Variants in INSC observed in about 807,000 individuals in gnomAD.
INSC encodes the protein protein inscuteable homolog.
A neutral mutation model predicts 58.6 loss-of-function variants in INSC; 67 were observed. The ratio of observed to expected loss-of-function variants is 1.14; its 90% CI spans 0.94 to 1.40. The LOEUF is 1.40. Among genes scored for constraint, INSC ranks in the 40% most tolerant of loss-of-function variants. The pLI, the probability that INSC is intolerant of heterozygous loss-of-function variation, is 0.00. For missense variants in INSC, 714 were observed against 692.0 expected (o/e 1.03, Z -0.36); for synonymous variants, 262 against 276.1 (o/e 0.95, Z 0.51).
chr11:15,211,285 C>T (rs1851016792), intron 7 of INSC, among the ~76,000 whole-genome samples: 2 of 152,182 alleles, frequency 1.3e-5, no homozygotes, highest in African/African-American at 4.8e-5. Context: ...TTTTTATTTT[C>T]CTGATGAGTA....
upstream of INSC, among the ~76,000 whole-genome samples, chr11:15,113,377 A>T (rs1231385907): frequency 1.3e-5 from 2 of 152,018 alleles, no homozygotes; most frequent in African/African-American, 4.8e-5. Context: ...GCCAGGATGG[A>T]CTTAATCTCC....
intron 1 of INSC, among the ~76,000 whole-genome samples, chr11:15,143,019 T>G (rs1323482247): frequency 6.6e-6 from 1 of 152,066 alleles, no homozygotes; most frequent in Admixed American, 6.5e-5. Context: ...GTCTCCAGTT[T>G]ATCTGTGAGG....
intron 1 of INSC, among the ~76,000 whole-genome samples, chr11:15,144,949 G>T (rs544737673): frequency 6.6e-6 from 1 of 152,284 alleles, no homozygotes; most frequent in East Asian, 1.9e-4. Flanking sequence ...ATAGCCCAGA[G>T]CCCTGAAGAA....
At chr11:15,209,527 C>T (rs908148411) in intron 7 of INSC, among the ~76,000 whole-genome samples, 1 of 152,100 alleles carries the variant, frequency 6.6e-6, no homozygotes, top group Non-Finnish European at 1.5e-5. Flanking sequence ...CTCCTTGGTG[C>T]TCACACAGTA....
downstream of INSC, among the ~76,000 whole-genome samples, chr11:15,249,774 T>C (rs1205082727): frequency 6.6e-6 from 1 of 152,156 alleles, no homozygotes; most frequent in Admixed American, 6.5e-5. Flanking sequence ...GGTTTTTCCA[T>C]AGTAACTTTC....
intron 2 of INSC, among the ~76,000 whole-genome samples, chr11:15,170,994 CACTT>C (rs1849378124): frequency 6.6e-6 from 1 of 152,220 alleles, no homozygotes; most frequent in Admixed American, 6.5e-5. Flanking sequence ...TCTGAAATCT[CACTT>C]TCTTTTTAAT....
chr11:15,138,050 C>A (rs981500215), intron 1 of INSC, among the ~76,000 whole-genome samples: 16 of 152,102 alleles, frequency 1.1e-4, no homozygotes, highest in African/African-American at 3.9e-4. Context: ...ATTGTTGTAT[C>A]TTGGGGAACA....
At position 15,225,691 on chromosome 11, in the gene INSC, G is replaced by A; in HGVS notation, c.1033G>A (p.Ala345Thr). ...CTCATCAGGGGAAGTCTTCCTACTG[G>A]CCTCTGCGGCCCTTGCCAACATCAC... The part of the protein sequence containing the change: ...EASSGEVFLL[A>T]SAALANITFF... The change falls in exon 9 of 13, where the codon GCC becomes ACC. Residue 345 changes from alanine (A) to threonine (T), a missense_variant. Transcript: ENST00000379556. 1 of 1,614,186 alleles carries A rather than the reference G, an allele frequency of 6.2e-7. No individual in the cohort carries two copies. The highest frequency in any genetic ancestry group is 1.1e-5 in the South Asian group (1 of 91,066).
intron 8 of INSC, among the ~76,000 whole-genome samples, chr11:15,223,082 G>A (rs1237669044): frequency 6.6e-6 from 1 of 152,194 alleles, no homozygotes; most frequent in Non-Finnish European, 1.5e-5. Context: ...TTTGAGTCTT[G>A]TGTCAAATTG....
At chr11:15,234,404 C>T (rs1852041603) in intron 9 of INSC, among the ~76,000 whole-genome samples, 2 of 152,176 alleles carry the variant, frequency 1.3e-5, no homozygotes, top group African/African-American at 4.8e-5. Context: ...TATTTGTTAT[C>T]CAGAGTAAAA....
chr11:15,240,572 G>T (rs529583582), intron 12 of INSC, 49 bp downstream of exon 12: 2 of 1,494,108 alleles, frequency 1.3e-6, no homozygotes, highest in African/African-American at 1.4e-5. Flanking sequence ...TCGGAATGCA[G>T]CCAAGGGGGC....
At chr11:15,156,176 T>C (rs1848808787) in intron 2 of INSC, among the ~76,000 whole-genome samples, 1 of 152,162 alleles carries the variant, frequency 6.6e-6, no homozygotes, top group South Asian at 2.1e-4. Context: ...GAGGCCAGGG[T>C]CAGAAGTTCT....
At chr11:15,180,345 G>C (rs575835882) in intron 5 of INSC, among the ~76,000 whole-genome samples, 7 of 152,112 alleles carry the variant, frequency 4.6e-5, no homozygotes, top group African/African-American at 1.4e-4. Context: ...AGCCAGCTGG[G>C]TTTGGAATTA....
At chr11:15,237,958 A>G (rs1852194455) in intron 10 of INSC, among the ~76,000 whole-genome samples, 1 of 152,138 alleles carries the variant, frequency 6.6e-6, no homozygotes, top group African/African-American at 2.4e-5. Flanking sequence ...AAAACAAAGC[A>G]AAACTATATC....
At chr11:15,175,651 G>T in intron 2 of INSC, 90 bp from the exon 3 acceptor site, 1 of 911,594 alleles carries the variant, frequency 1.1e-6, no homozygotes, top group Non-Finnish European at 1.6e-6. Context: ...CATATAATAG[G>T]TGCTTAGTAA....
intron 5 of INSC, among the ~76,000 whole-genome samples, chr11:15,185,326 T>C (rs1163042794): frequency 1.3e-5 from 2 of 152,200 alleles, no homozygotes; most frequent in Non-Finnish European, 2.9e-5. Context: ...ATCTAAAATA[T>C]AGCATTAAGT....
upstream of INSC, chr11:15,114,910 C>T (rs1044225614): frequency 1.7e-5 from 17 of 984,988 alleles, no homozygotes; most frequent in African/African-American, 2.4e-4. Flanking sequence ...CGGGCTGGGC[C>T]GGCAGAGCGG....
chr11:15,165,284 G>A (rs1036149503), intron 2 of INSC, among the ~76,000 whole-genome samples: 7 of 151,946 alleles, frequency 4.6e-5, no homozygotes, highest in African/African-American at 1.7e-4. Context: ...AAGTAAAAAA[G>A]GTTTGATGAT....
downstream of INSC, among the ~76,000 whole-genome samples, chr11:15,248,915 A>T (rs1038146075): frequency 2.6e-5 from 4 of 152,222 alleles, no homozygotes; most frequent in African/African-American, 4.8e-5. Context: ...CTAACCACCA[A>T]GGTAAGCCCT....
Sources: allele counts gnomAD v4.1 joint callset (sites outside exome capture counted in the v4.1 genomes callset), GRCh38; gene constraint gnomAD v4.1.1; transcripts MANE v1.5; gene names NCBI Gene and HGNC (gene_info 2026-07-23, HGNC 2026-07-21).